ENTREP2: variants seen among roughly 807,000 people sequenced by gnomAD.
The protein encoded by ENTREP2 is protein ENTREP2.
the ENTREP2 span, among the ~76,000 whole-genome samples, chr15:29,544,053 C>A: frequency 0.44 from 65,901 of 151,336 alleles, 15,156 homozygotes; most frequent in African/African-American, 0.6. Flanking sequence ...TATAAAACAG[C>A]TTTTATTAAA....
the ENTREP2 span, among the ~76,000 whole-genome samples, chr15:29,248,423 G>A: frequency 2.6e-5 from 4 of 151,340 alleles, no homozygotes; most frequent in Admixed American, 2.0e-4. Flanking sequence ...AACAATCCAG[G>A]GAATATATTT....
At chr15:29,389,952 G>C in the ENTREP2 span, among the ~76,000 whole-genome samples, 7,505 of 152,124 alleles carry the variant, frequency 0.049, 395 homozygotes, top group African/African-American at 0.14. Context: ...GTCCAAATAC[G>C]AAGGCCAAAT....
At chr15:29,350,154 A>G in the ENTREP2 span, among the ~76,000 whole-genome samples, 1 of 152,160 alleles carries the variant, frequency 6.6e-6, no homozygotes, top group African/African-American at 2.4e-5. Context: ...CTTGGTGTCT[A>G]TTAAGAAATA....
chr15:29,238,419 T>A, the ENTREP2 span, among the ~76,000 whole-genome samples: 1 of 151,852 alleles, frequency 6.6e-6, no homozygotes, highest in South Asian at 2.1e-4. Context: ...GATCACAAGG[T>A]CAGAAGATTG....
the ENTREP2 span, among the ~76,000 whole-genome samples, chr15:29,389,091 T>G: frequency 6.6e-6 from 1 of 151,200 alleles, no homozygotes; most frequent in African/African-American, 2.4e-5. Context: ...TGTGCACATG[T>G]ACCCTAGAAC....
the ENTREP2 span, among the ~76,000 whole-genome samples, chr15:29,400,250 C>G: frequency 6.6e-6 from 1 of 152,068 alleles, no homozygotes; most frequent in Non-Finnish European, 1.5e-5. Context: ...TACATATGTG[C>G]AAGCAAAGAC....
chr15:29,173,404 T>C, the ENTREP2 span, among the ~76,000 whole-genome samples: 1 of 152,176 alleles, frequency 6.6e-6, no homozygotes, highest in African/African-American at 2.4e-5. Context: ...CCACAAAAGA[T>C]CCCCTGGACG....
the ENTREP2 span, among the ~76,000 whole-genome samples, chr15:29,292,833 G>C: frequency 6.6e-6 from 1 of 152,170 alleles, no homozygotes; most frequent in Non-Finnish European, 1.5e-5. Context: ...CCAATCAGTT[G>C]CTTCTTTCAT....
chr15:29,289,049 T>G, the ENTREP2 span, among the ~76,000 whole-genome samples: 1 of 151,208 alleles, frequency 6.6e-6, no homozygotes, highest in Non-Finnish European at 1.5e-5. Context: ...TACAAAAAAT[T>G]AGAAGAAATT....
At chr15:29,195,085 G>A in the ENTREP2 span, 1,033 of 977,134 alleles carry the variant, frequency 1.1e-3, 4 homozygotes, top group African/African-American at 0.017. Flanking sequence ...GAATGTGGGC[G>A]TAGGTAATGT....
chr15:29,254,161 CA>C, the ENTREP2 span, among the ~76,000 whole-genome samples: 498 of 61,320 alleles, frequency 8.1e-3, 2 homozygotes, highest in Middle Eastern at 0.031. Context: ...TGTTAAAGAG[CA>C]AAAAAAAAAA....
chr15:29,201,851 A>AT, the ENTREP2 span, among the ~76,000 whole-genome samples: 2 of 152,230 alleles, frequency 1.3e-5, no homozygotes, highest in African/African-American at 2.4e-5. Flanking sequence ...TAGAAATGGT[A>AT]TTAATTCTAT....
chr15:29,637,813 G>A, the ENTREP2 span, among the ~76,000 whole-genome samples: 5,948 of 152,238 alleles, frequency 0.039, 155 homozygotes, highest in South Asian at 0.065. Flanking sequence ...TGTGCAGAGC[G>A]GAGGAGTCAC....
At chr15:29,207,431 G>A in the ENTREP2 span, among the ~76,000 whole-genome samples, 4 of 139,602 alleles carry the variant, frequency 2.9e-5, no homozygotes, top group Non-Finnish European at 4.8e-5. Flanking sequence ...TCCTACGAGC[G>A]GTGTGCCGCT....
At chr15:29,312,377 A>G in the ENTREP2 span, among the ~76,000 whole-genome samples, 1 of 152,060 alleles carries the variant, frequency 6.6e-6, no homozygotes, top group Non-Finnish European at 1.5e-5. Flanking sequence ...AGCTGGTTGT[A>G]TAATAAATAT....
At chr15:29,392,003 AT>A in the ENTREP2 span, among the ~76,000 whole-genome samples, 2 of 151,596 alleles carry the variant, frequency 1.3e-5, no homozygotes, top group Non-Finnish European at 2.9e-5. Flanking sequence ...TTTTTTTCCT[AT>A]TTTTTAGTAG....
the ENTREP2 span, among the ~76,000 whole-genome samples, chr15:29,566,712 C>CTA: frequency 6.6e-6 from 1 of 151,220 alleles, no homozygotes; most frequent in Non-Finnish European, 1.5e-5. Flanking sequence ...CCGCCTCAGT[C>CTA]TCCCAAAGTG....
the ENTREP2 span, among the ~76,000 whole-genome samples, chr15:29,460,846 A>G: frequency 1.3e-4 from 20 of 152,026 alleles, no homozygotes; most frequent in African/African-American, 4.8e-4. Context: ...CGTCTTTTCC[A>G]ATTAGTAAGC....
the ENTREP2 span, among the ~76,000 whole-genome samples, chr15:29,180,471 C>A: frequency 6.6e-6 from 1 of 152,112 alleles, no homozygotes; most frequent in Non-Finnish European, 1.5e-5. Flanking sequence ...TCAAGACCAG[C>A]CTGACCAACA....
Sources: gnomAD v4.1 joint callset for allele counts (sites outside exome capture counted in the v4.1 genomes callset) on GRCh38, gnomAD v4.1.1 for gene constraint, MANE v1.5 for transcripts, NCBI Gene and HGNC (gene_info 2026-07-23, HGNC 2026-07-21) for gene names.